MALRD1: variants seen among roughly 807,000 people sequenced by gnomAD.
MALRD1 encodes MAM and LDL receptor class A domain containing 1.
In MALRD1, 247 loss-of-function variants were observed where a neutral mutation model predicts 242.1. The ratio of observed to expected loss-of-function variants is 1.02; its 90% confidence interval spans 0.92 to 1.13. MALRD1 has a LOEUF of 1.13. Among genes scored for constraint, MALRD1 ranks in the 50% most tolerant of loss-of-function variants. The pLI is 0.00. For missense variants in MALRD1, 2,989 were observed against 2,533.1 expected (o/e 1.18, Z -3.86); for synonymous variants, 995 against 866.6 (o/e 1.15, Z -2.60).
chr10:19,497,286 A>G (rs191225222), intron 30 of MALRD1, among the ~76,000 whole-genome samples: 1 of 150,210 alleles, frequency 6.7e-6, no homozygotes, highest in Non-Finnish European at 1.5e-5. Context: ...TCCATATCAC[A>G]TAATAAAAAC....
intron 29 of MALRD1, among the ~76,000 whole-genome samples, chr10:19,490,897 TTTAA>T (rs1837463470): frequency 6.6e-6 from 1 of 152,180 alleles, no homozygotes; most frequent in Admixed American, 6.5e-5. Context: ...CAATGGACAC[TTTAA>T]TTATGTGTAT....
chr10:19,095,277 T>C (rs12264103), intron 4 of MALRD1, among the ~76,000 whole-genome samples: 81,981 of 151,534 alleles, frequency 0.54, 22,272 homozygotes, highest in Middle Eastern at 0.59. Context: ...ATTGATTGGT[T>C]GTAAATCACT....
At chr10:19,124,820 T>A (rs1837195475) in intron 7 of MALRD1, 150 bp downstream of exon 7, 1 of 589,538 alleles carries the variant, frequency 1.7e-6, no homozygotes, top group Non-Finnish European at 2.4e-6. Flanking sequence ...AAGGTGAAAA[T>A]AACAATTATG....
At chr10:19,367,428 C>T (rs1845155078) in intron 26 of MALRD1, among the ~76,000 whole-genome samples, 1 of 152,062 alleles carries the variant, frequency 6.6e-6, no homozygotes. Context: ...ATCCATGTTG[C>T]TGCTCACGAT....
Position 19,317,325 on chromosome 10 carries a change from A to G in MALRD1, c.3420-6624A>G, listed in dbSNP as rs201817643. On this transcript the variant is annotated intron_variant, in intron 21 of 39. Transcript: ENST00000454679. ...GTTCTAGGGTCTCTTTTCTAAGGAA[A>G]GTAATCCCAATCATGACAGTTTTAC... Among the ~76,000 whole-genome samples, 293 of 152,002 alleles carry G rather than the reference A, an allele frequency of 1.9e-3. 1 individual carries two copies. The highest frequency in any genetic ancestry group is 6.7e-3 in the African/African-American group (280 of 41,524).
intron 36 of MALRD1, among the ~76,000 whole-genome samples, chr10:19,629,439 AAG>A (rs1335886014): frequency 6.6e-6 from 1 of 152,172 alleles, no homozygotes; most frequent in Admixed American, 6.5e-5. Context: ...CTTGCTTTAA[AAG>A]AGAGAACAAG....
At chr10:19,338,264 G>A (rs960445252) in intron 24 of MALRD1, among the ~76,000 whole-genome samples, 5 of 151,798 alleles carry the variant, frequency 3.3e-5, no homozygotes, top group African/African-American at 7.3e-5. Context: ...AACATGTATC[G>A]ACTACCATAG....
intron 19 of MALRD1, among the ~76,000 whole-genome samples, chr10:19,277,450 A>T (rs1223826361): frequency 6.6e-6 from 1 of 152,068 alleles, no homozygotes; most frequent in Non-Finnish European, 1.5e-5. Context: ...ATTCCTTCCC[A>T]GAGGAAGGAA....
rs1195685932 is a variant in MALRD1 at position 19,551,145 on chromosome 10, AT to A, written c.5479-16352del. Among the ~76,000 whole-genome samples the A allele has an allele frequency of 4.6e-5, 7 of 152,210 alleles. No homozygotes were observed. The South Asian group carries it at 1.2e-3, about 27-fold the overall frequency. ...AAGTGTCTGTTCATATCCTTTGCACATTTTTAATAAGGTTGTTTTTGTTCCT... is the reference window on the plus strand; with the variant it reads ...AAGTGTCTGTTCATATCCTTTGCACATTTTAATAAGGTTGTTTTTGTTCCT... On this transcript the variant is annotated intron_variant, in intron 32 of 39. Transcript: ENST00000454679.
At chr10:19,073,580 T>G (rs1282220458) in intron 2 of MALRD1, among the ~76,000 whole-genome samples, 1 of 152,166 alleles carries the variant, frequency 6.6e-6, no homozygotes, top group Non-Finnish European at 1.5e-5. Flanking sequence ...TTTAAAACCT[T>G]GTACAAAATT....
intron 29 of MALRD1, among the ~76,000 whole-genome samples, chr10:19,478,815 G>T (rs1042753877): frequency 6.6e-6 from 1 of 152,212 alleles, no homozygotes; most frequent in African/African-American, 2.4e-5. Flanking sequence ...TCACATTTCA[G>T]AAATTATCTT....
At chr10:19,733,674 G>T (rs1385462947) in intron 39 of MALRD1, among the ~76,000 whole-genome samples, 1 of 148,702 alleles carries the variant, frequency 6.7e-6, no homozygotes, top group African/African-American at 2.5e-5. Context: ...GAAGAAACCA[G>T]ATTGCTTGTC....
At chr10:19,545,097 A>G (rs1835152853) in intron 32 of MALRD1, among the ~76,000 whole-genome samples, 1 of 152,140 alleles carries the variant, frequency 6.6e-6, no homozygotes, top group Non-Finnish European at 1.5e-5. Flanking sequence ...TTCTTCCTTG[A>G]CTGGTCACTG....
At chr10:19,458,683 G>A (rs1835785833) in intron 29 of MALRD1, among the ~76,000 whole-genome samples, 1 of 152,148 alleles carries the variant, frequency 6.6e-6, no homozygotes, top group African/African-American at 2.4e-5. Flanking sequence ...AGTAGCATGT[G>A]TCATTTCCAG....
intron 36 of MALRD1, among the ~76,000 whole-genome samples, chr10:19,674,902 CA>C (rs1423099363): frequency 6.7e-6 from 1 of 150,304 alleles, no homozygotes; most frequent in Non-Finnish European, 1.5e-5. Flanking sequence ...TACTTCATAA[CA>C]GCTTGAAAAA....
Position 19,091,665 on chromosome 10 carries a change from C to G in MALRD1, c.597+3480C>G, listed in dbSNP as rs1441358332. ...TGAGTTTGCTCTTGCTTTTCTAGTT[C>G]TTTTAATTGTGATGTTAGGGTGTCA... is the stretch of plus-strand genomic sequence containing the variant. On this transcript the variant is annotated intron_variant, in intron 4 of 39. Transcript: ENST00000454679. Among the ~76,000 whole-genome samples, 10 of 80,660 alleles carry G rather than the reference C, an allele frequency of 1.2e-4. 2 individuals are homozygous for G. Among genetic ancestry groups the G allele is most frequent in the African/African-American group, 5.9e-4 (10 of 16,892 alleles). 52.9% of individuals were successfully genotyped at this position (80,660 alleles called of 152,430 possible). A position where few individuals can be genotyped will look rare whatever the true frequency, so the allele number is the denominator to read the frequency against.
chr10:19,080,264 A>T (rs1381385602), intron 2 of MALRD1, among the ~76,000 whole-genome samples: 1 of 151,996 alleles, frequency 6.6e-6, no homozygotes, highest in African/African-American at 2.4e-5. Flanking sequence ...ATTGGAAGGA[A>T]CTATTTTAAA....
chr10:19,224,001 G>A (rs780380545), intron 18 of MALRD1, among the ~76,000 whole-genome samples: 11 of 152,082 alleles, frequency 7.2e-5, no homozygotes, highest in Admixed American at 5.9e-4. Flanking sequence ...TAGTGCTGCA[G>A]TAAACATATG....
Position 19,391,897 on chromosome 10 carries a change from C to G in MALRD1, c.4845+2288C>G, listed in dbSNP as rs116541530. Among the ~76,000 whole-genome samples, 413 of 152,310 alleles carry G rather than the reference C, an allele frequency of 2.7e-3. 4 individuals are homozygous for G. Among genetic ancestry groups the G allele is most frequent in the African/African-American group, 9.4e-3 (390 of 41,574 alleles). ...GGATGAAGCAAAAAAGTGGTGGCCT[C>G]CCAGAGGTTGTGGCTGGGCTGGAGC... is the stretch of plus-strand genomic sequence containing the variant. On this transcript the variant is annotated intron_variant, in intron 28 of 39. Coordinates refer to ENST00000454679, the MANE Select transcript of MALRD1 (RefSeq NM_001142308.3).
Sources: gnomAD v4.1 joint callset for allele counts (sites outside exome capture counted in the v4.1 genomes callset) on GRCh38, gnomAD v4.1.1 for gene constraint, MANE v1.5 for transcripts, NCBI Gene and HGNC (gene_info 2026-07-23, HGNC 2026-07-21) for gene names.